AR: variants seen among roughly 807,000 people sequenced by gnomAD.
The protein encoded by AR is dihydrotestosterone receptor.
Under a neutral mutation model 53.9 loss-of-function variants are expected in AR, and 8 were observed. That is an observed-to-expected ratio of 0.15 (90% CI 0.09 to 0.27). The LOEUF is 0.27. AR is among the 10% of genes least tolerant of loss of function. The pLI is 1.00. For missense variants in AR, 639 were observed against 742.5 expected (o/e 0.86, Z 1.62); for synonymous variants, 359 against 316.4 (o/e 1.13, Z -1.43).
At chrX:67,569,398 CAT>C (rs1180167016) in intron 1 of AR, among the ~76,000 whole-genome samples, 2 of 111,143 alleles carry the variant, frequency 1.8e-5, no homozygotes, top group Admixed American at 9.5e-5. Flanking sequence ...GGTTTCTGCA[CAT>C]GTGTTGTGGT....
intron 2 of AR, among the ~76,000 whole-genome samples, chrX:67,648,817 C>T (rs759209663): frequency 1.1e-4 from 12 of 112,132 alleles, no homozygotes; most frequent in African/African-American, 3.9e-4. Flanking sequence ...ACTTGCAAGA[C>T]CTTTTGAGTC....
intron 1 of AR, among the ~76,000 whole-genome samples, chrX:67,602,513 C>A (rs1270556247): frequency 1.8e-5 from 2 of 112,207 alleles, no homozygotes; most frequent in Admixed American, 9.5e-5. Flanking sequence ...TAACTGGTGG[C>A]AGAAAGCCAC....
intron 2 of AR, among the ~76,000 whole-genome samples, chrX:67,644,286 A>G (rs1366086862): frequency 9.0e-6 from 1 of 111,612 alleles, no homozygotes; most frequent in African/African-American, 3.3e-5. Context: ...TCAAAGAGAC[A>G]TTGATGAGGA....
intron 1 of AR, among the ~76,000 whole-genome samples, chrX:67,607,862 G>A (rs1051304476): frequency 9.0e-6 from 1 of 111,288 alleles, no homozygotes; most frequent in Admixed American, 9.6e-5. Context: ...CTTCCCTGCC[G>A]TATTTTGGCT....
intron 3 of AR, among the ~76,000 whole-genome samples, chrX:67,706,699 G>A (rs1427469394): frequency 1.8e-5 from 2 of 111,265 alleles, no homozygotes; most frequent in Non-Finnish European, 3.8e-5. Context: ...GCTTTTGAAT[G>A]TGTTTGCTCT....
At chrX:67,667,413 A>G (rs1227989104) in intron 2 of AR, among the ~76,000 whole-genome samples, 1 of 111,121 alleles carries the variant, frequency 9.0e-6, no homozygotes, top group African/African-American at 3.3e-5. Context: ...CCATTGGTCT[A>G]TGTGTCTGCT....
At chrX:67,627,023 T>A (rs1280781350) in intron 1 of AR, among the ~76,000 whole-genome samples, 1 of 107,078 alleles carries the variant, frequency 9.3e-6, no homozygotes, top group Non-Finnish European at 1.9e-5. Context: ...CTTAATCCAG[T>A]CTATCATTGT....
chrX:67,629,941 A>T (rs1315382167), intron 1 of AR, among the ~76,000 whole-genome samples: 1 of 110,990 alleles, frequency 9.0e-6, no homozygotes, highest in Non-Finnish European at 1.9e-5. Flanking sequence ...CATGTAGTTG[A>T]GCGGTTTTGA....
At chrX:67,636,905 C>T (rs1925463240) in intron 1 of AR, among the ~76,000 whole-genome samples, 1 of 111,759 alleles carries the variant, frequency 8.9e-6, no homozygotes, top group Non-Finnish European at 1.9e-5. Flanking sequence ...ATCCCCTTCA[C>T]TATTTATCTT....
Position 67,546,341 on chromosome X carries a change from T to A in AR, c.1195T>A (p.Trp399Arg), listed in dbSNP as rs774645775. The A allele has an allele frequency of 8.4e-7, 1 of 1,190,968 alleles. No individual in the cohort carries two copies. Among genetic ancestry groups the A allele is most frequent in the Non-Finnish European group, 1.1e-6 (1 of 885,874 alleles). ...LENPLDYGSA[W>R]AAAAAQCRYG... ...GAACCCGCTGGACTACGGCAGCGCC[T>A]GGGCGGCTGCGGCGGCGCAGTGCCG... The change falls in exon 1 of 8, where the codon TGG (tryptophan) becomes AGG (arginine). Residue 399 changes from tryptophan to arginine, a missense_variant. By Grantham distance (101) the Trp-to-Arg change is moderately radical (BLOSUM62 -3). Coordinates refer to ENST00000374690, the MANE Select transcript of AR (RefSeq NM_000044.6).
Position 67,723,996 on chromosome X carries a change from G to A in AR, c.*155G>A, listed in dbSNP as rs778492923. ...AACATGTTCCTGAATTCTATTTGCT[G>A]GGCTTTTTTTTTCTCTTTCTCTCCT... is the stretch of plus-strand genomic sequence containing the variant. On this transcript the variant is annotated 3_prime_UTR_variant, in exon 8 of 8. Coordinates refer to ENST00000374690, the MANE Select transcript of AR (RefSeq NM_000044.6). 109 of 770,586 alleles carry A rather than the reference G, an allele frequency of 1.4e-4. No individual in the cohort carries two copies. The East Asian group carries it at 3.5e-3, about 25-fold the overall frequency. 63.5% of individuals were successfully genotyped at this position (770,586 alleles called of 1,213,427 possible). A position where few individuals can be genotyped will look rare whatever the true frequency, so the allele number is the denominator to read the frequency against.
intron 3 of AR, among the ~76,000 whole-genome samples, chrX:67,703,805 C>G (rs994251930): frequency 3.6e-5 from 4 of 111,032 alleles, no homozygotes; most frequent in Non-Finnish European, 7.5e-5. Context: ...CTTCCCCAAC[C>G]CCACAACAGG....
intron 4 of AR, among the ~76,000 whole-genome samples, chrX:67,716,501 G>C (rs752969708): frequency 9.0e-6 from 1 of 111,634 alleles, no homozygotes; most frequent in Non-Finnish European, 1.9e-5. Flanking sequence ...GCATGTGAGA[G>C]CGCAAGTGGC....
chrX:67,685,829 C>T (rs1376829963), intron 2 of AR, 181 bp from the exon 3 acceptor site: 1 of 650,889 alleles, frequency 1.5e-6, no homozygotes, highest in African/African-American at 2.3e-5. Flanking sequence ...CAATATAGTG[C>T]CAAATTAAAC....
At chrX:67,668,305 C>T (rs977230102) in intron 2 of AR, among the ~76,000 whole-genome samples, 1 of 111,999 alleles carries the variant, frequency 8.9e-6, no homozygotes, top group Non-Finnish European at 1.9e-5. Flanking sequence ...GCTTTTCATG[C>T]AACAATTGAA....
intron 1 of AR, among the ~76,000 whole-genome samples, chrX:67,626,843 A>C (rs1924686591): frequency 1.2e-5 from 1 of 86,483 alleles, no homozygotes; most frequent in South Asian, 6.8e-4. Context: ...ATGTGTTCTC[A>C]TTGTTCAATT....
chrX:67,659,104 A>C (rs912123817), intron 2 of AR, among the ~76,000 whole-genome samples: 5 of 111,174 alleles, frequency 4.5e-5, no homozygotes, highest in African/African-American at 1.6e-4. Context: ...CCTATGTTAG[A>C]ATAGAAAATA....
intron 1 of AR, among the ~76,000 whole-genome samples, chrX:67,589,726 G>A (rs763021866): frequency 8.9e-6 from 1 of 111,746 alleles, no homozygotes; most frequent in Admixed American, 9.5e-5. Context: ...ATTAGACATG[G>A]CAGCCATGCC....
At chrX:67,616,602 A>G (rs1924131481) in intron 1 of AR, among the ~76,000 whole-genome samples, 2 of 111,160 alleles carry the variant, frequency 1.8e-5, no homozygotes, top group African/African-American at 6.5e-5. Flanking sequence ...TCCCAGGAGA[A>G]AGTGGCTGAA....
Sources: gnomAD v4.1 joint callset for allele counts (sites outside exome capture counted in the v4.1 genomes callset) on GRCh38, gnomAD v4.1.1 for gene constraint, MANE v1.5 for transcripts, NCBI Gene and HGNC (gene_info 2026-07-23, HGNC 2026-07-21) for gene names.